The following UHRF1 variants were observed in gnomAD, a reference collection of about 807,000 sequenced individuals.
UHRF1 encodes the protein ubiquitin like with PHD and ring finger domains 1.
UHRF1 carries 9 observed loss-of-function variants against 96.5 expected under a neutral mutation model. That is an observed-to-expected ratio of 0.09 (90% CI 0.06 to 0.16). The LOEUF is 0.16. Among genes scored for constraint, UHRF1 ranks in the 10% least tolerant of loss-of-function variants. The pLI is 1.00. For synonymous variants in UHRF1, 455 were observed against 469.9 expected, an observed-to-expected ratio of 0.97 and a Z score of 0.41; for missense variants, 626 against 1,131.1, an observed-to-expected ratio of 0.55 and a Z score of 6.40.
intron 11 of UHRF1, 36 bp downstream of exon 11, chr19:4,947,247 G>C: frequency 6.4e-7 from 1 of 1,560,994 alleles, no homozygotes; most frequent in Non-Finnish European, 8.8e-7. Flanking sequence ...CCTTGCTGAT[G>C]CATATCTGCC....
At chr19:4,940,282 G>T (rs2033350839) in intron 5 of UHRF1, among the ~76,000 whole-genome samples, 1 of 150,154 alleles carries the variant, frequency 6.7e-6, no homozygotes, top group African/African-American at 2.5e-5. Flanking sequence ...TCGGATTATT[G>T]ATCTCGGGGG....
chr19:4,923,199 G>C lies in UHRF1; in HGVS notation c.154-6023G>C, dbSNP rs1036275673. Among the ~76,000 whole-genome samples, 24 of 152,170 alleles carry C rather than the reference G, an allele frequency of 1.6e-4. 1 individual carries two copies. Among genetic ancestry groups the C allele is most frequent in the Admixed American group, 2.0e-4 (3 of 15,282 alleles). On this transcript the variant is annotated intron_variant, in intron 2 of 16. Coordinates refer to ENST00000650932, the MANE Select transcript of UHRF1 (RefSeq NM_001048201.3). Reference sequence around the variant, plus strand: ...CTGCCGCCTTGGCTTCCCCTCCTCGGTCTGTCTCCTCCCCGACTTGTCCTC... The same window carrying C: ...CTGCCGCCTTGGCTTCCCCTCCTCGCTCTGTCTCCTCCCCGACTTGTCCTC...
chr19:4,933,833 T>C (rs904447289), intron 5 of UHRF1, among the ~76,000 whole-genome samples: 1 of 152,076 alleles, frequency 6.6e-6, no homozygotes, highest in Non-Finnish European at 1.5e-5. Context: ...TGGTTGCTTT[T>C]GTGTTATAAG....
At chr19:4,956,497 C>T (rs1178852375) in intron 15 of UHRF1, among the ~76,000 whole-genome samples, 1 of 152,238 alleles carries the variant, frequency 6.6e-6, no homozygotes, top group Non-Finnish European at 1.5e-5. Flanking sequence ...TCCTCCCCAC[C>T]TTGCCACTTG....
intron 7 of UHRF1, among the ~76,000 whole-genome samples, chr19:4,943,249 A>G (rs1343620899): frequency 6.6e-6 from 1 of 151,910 alleles, no homozygotes; most frequent in African/African-American, 2.4e-5. Context: ...AAAAACAAAA[A>G]AAAAGGGGGG....
At chr19:4,947,313 C>T (rs556592318) in intron 11 of UHRF1, 102 bp downstream of exon 11, 102 of 1,059,500 alleles carry the variant, frequency 9.6e-5, no homozygotes, top group African/African-American at 6.0e-4. Context: ...TCATTAGGAG[C>T]GTGGTAGAAC....
intron 7 of UHRF1, among the ~76,000 whole-genome samples, chr19:4,943,043 G>T (rs1024970628): frequency 6.6e-6 from 1 of 151,852 alleles, no homozygotes; most frequent in Non-Finnish European, 1.5e-5. Flanking sequence ...ATTGAGGCCA[G>T]CCTGGCCAAG....
chr19:4,954,292 C>T lies in UHRF1; in HGVS notation c.1819-58C>T. On this transcript the variant is annotated intron_variant, in intron 13 of 16. Transcript: ENST00000650932. This position sits in a 1 kb window ranked among gnomAD's most constrained non-coding sequence, Gnocchi z 5.9. Reference sequence around the variant, plus strand: ...CTGGCAAGGAGGCTGGAAGAGCGGGCTCTGCATAGCGTGTGGGCCCCAAGC... The same window carrying T: ...CTGGCAAGGAGGCTGGAAGAGCGGGTTCTGCATAGCGTGTGGGCCCCAAGC... 1 of 1,584,762 alleles carries T rather than the reference C, an allele frequency of 6.3e-7. No homozygotes were observed. Among genetic ancestry groups the T allele is most frequent in the Non-Finnish European group, 8.6e-7 (1 of 1,166,436 alleles).
chr19:4,940,358 GATT>G (rs2033353892), intron 5 of UHRF1, among the ~76,000 whole-genome samples: 2 of 85,150 alleles, frequency 2.3e-5, no homozygotes, highest in African/African-American at 8.0e-5. Context: ...TTGCCTTTAT[GATT>G]TTTTTTTTTT....
In UHRF1 at chr19:4,923,250, C is replaced by T. The variant is rs544396441; in HGVS notation, c.154-5972C>T. On this transcript the variant is annotated intron_variant, in intron 2 of 16. Coordinates refer to ENST00000650932, the MANE Select transcript of UHRF1 (RefSeq NM_001048201.3). ...TGTCTGAGTCTGGCAGGACAGAGTC[C>T]GACCGTCTGGCCCCCTCCTGGCTCC... 2.5e-4 allele frequency among the ~76,000 whole-genome samples: 38 copies of T among 152,198 alleles called. No homozygotes were observed. The South Asian group carries it at 4.6e-3, about 18-fold the overall frequency.
Position 4,944,121 on chromosome 19 carries a change from C to T in UHRF1, c.1074-11C>T, listed in dbSNP as rs778541514. 96 of 1,613,162 alleles carry T rather than the reference C, an allele frequency of 6.0e-5. No homozygotes were observed. The highest frequency in any genetic ancestry group is 1.2e-4 in the African/African-American group (9 of 74,920). On this transcript the variant is annotated splice_polypyrimidine_tract_variant and intron_variant, in intron 7 of 16. Coordinates refer to ENST00000650932, the MANE Select transcript of UHRF1 (RefSeq NM_001048201.3). ...GGCTAGGCGTGGGCAGTGACAATCCCGACCTCGCAGGTACTGCCCTGAGTG... is the reference window on the plus strand; with the variant it reads ...GGCTAGGCGTGGGCAGTGACAATCCTGACCTCGCAGGTACTGCCCTGAGTG...
At chr19:4,951,911 G>A (rs1025030971) in intron 13 of UHRF1, among the ~76,000 whole-genome samples, 58 of 152,224 alleles carry the variant, frequency 3.8e-4, no homozygotes, top group Admixed American at 2.7e-3. Context: ...TACAGCAGAC[G>A]AATCGTGAGA....
intron 5 of UHRF1, among the ~76,000 whole-genome samples, chr19:4,933,747 C>T (rs1362594826): frequency 6.6e-6 from 1 of 152,180 alleles, no homozygotes; most frequent in Non-Finnish European, 1.5e-5. Flanking sequence ...GTCCACAGGC[C>T]TGCTGTGGTC....
chr19:4,943,612 AAG>A (rs1482734823), intron 7 of UHRF1, among the ~76,000 whole-genome samples: 1 of 151,654 alleles, frequency 6.6e-6, no homozygotes, highest in Non-Finnish European at 1.5e-5. Context: ...TCACTGTTGC[AAG>A]ATCCGTGGAA....
chr19:4,928,005 C>A (rs934618249), intron 2 of UHRF1, among the ~76,000 whole-genome samples: 3 of 152,200 alleles, frequency 2.0e-5, no homozygotes, highest in Non-Finnish European at 2.9e-5. Flanking sequence ...ATGCGTGCAG[C>A]CTCCTGGGAC....
chr19:4,958,585 A>G (rs2033915647), intron 16 of UHRF1, among the ~76,000 whole-genome samples: 1 of 152,234 alleles, frequency 6.6e-6, no homozygotes, highest in African/African-American at 2.4e-5. Context: ...TGTCCCCACA[A>G]TCTGTCCTTG....
At chr19:4,950,805 G>A (rs767952728) in intron 12 of UHRF1, 32 bp downstream of exon 12, 7 of 1,613,846 alleles carry the variant, frequency 4.3e-6, no homozygotes, top group Admixed American at 1.7e-5. Flanking sequence ...CGGGGGCTCT[G>A]TCCCCGCCGG....
chr19:4,960,043 G>A (rs1306728998), intron 16 of UHRF1, among the ~76,000 whole-genome samples: 1 of 152,100 alleles, frequency 6.6e-6, no homozygotes, highest in African/African-American at 2.4e-5. Context: ...AGTAGAGACA[G>A]GGTTTCACCA....
intron 16 of UHRF1, among the ~76,000 whole-genome samples, chr19:4,958,366 T>C (rs1446305224): frequency 6.6e-6 from 1 of 152,118 alleles, no homozygotes; most frequent in Non-Finnish European, 1.5e-5. Flanking sequence ...GTTGTGAAGG[T>C]CCCGGCTTAG....
Sources: allele counts gnomAD v4.1 joint callset (sites outside exome capture counted in the v4.1 genomes callset), GRCh38; gene constraint gnomAD v4.1.1; non-coding constraint Gnocchi (gnomAD v3.1); transcripts MANE v1.5; gene names NCBI Gene and HGNC (gene_info 2026-07-23, HGNC 2026-07-21).